The following CELF2 variants were observed in gnomAD, a reference collection of about 807,000 sequenced individuals.
CELF2 encodes the protein CUGBP Elav-like family member 2.
In CELF2, 8 loss-of-function variants were observed where a neutral mutation model predicts 62.6. That is an observed-to-expected ratio of 0.13 (90% confidence interval 0.07 to 0.23). The LOEUF (loss-of-function observed/expected upper bound fraction) is 0.23, where lower values mean the gene tolerates loss of function less well. Ranked by LOEUF, CELF2 falls within the 10% of genes least tolerant of loss-of-function variation. CELF2 has a pLI of 1.00. For missense variants in CELF2, 333 were observed against 671.0 expected (o/e 0.50, Z 5.56); for synonymous variants, 258 against 250.0 (o/e 1.03, Z -0.30).
At position 10,931,072 on chromosome 10, in the gene CELF2, A is replaced by G. The variant is rs1367294448; in HGVS notation, c.89+11073A>G. On this transcript the variant is annotated intron_variant, in intron 2 of 13. Transcript: ENST00000636488. The surrounding 1 kb of genome is among the most constrained non-coding windows in gnomAD (Gnocchi z 6.1). ...ACATAAATTAATAAAATTTATTCCC[A>G]TGTATACATAGATAGTTTTAAACCC... is the stretch of plus-strand genomic sequence containing the variant. Among the ~76,000 whole-genome samples the G allele has an allele frequency of 6.6e-6, 1 of 152,214 alleles. No homozygotes were observed. The highest frequency in any genetic ancestry group is 1.5e-5 in the Non-Finnish European group (1 of 68,034).
chr10:10,826,459 T>G (rs2057396499), intron 1 of CELF2, among the ~76,000 whole-genome samples: 1 of 152,194 alleles, frequency 6.6e-6, no homozygotes, highest in Non-Finnish European at 1.5e-5. Flanking sequence ...CAATAAATAA[T>G]TACTGAGTGT....
chr10:10,529,948 G>A, the CELF2 span, among the ~76,000 whole-genome samples: 1 of 152,162 alleles, frequency 6.6e-6, no homozygotes, highest in Non-Finnish European at 1.5e-5. Flanking sequence ...AATGCCCAAG[G>A]CTTGTAGAAG....
chr10:10,804,496 T>C (rs1183337765), intron 1 of CELF2, among the ~76,000 whole-genome samples: 1 of 152,194 alleles, frequency 6.6e-6, no homozygotes, highest in Admixed American at 6.5e-5. Context: ...ACTAGTCTTG[T>C]TATTAGGAAA....
chr10:10,471,978 T>C, the CELF2 span, among the ~76,000 whole-genome samples: 3 of 151,884 alleles, frequency 2.0e-5, no homozygotes, highest in African/African-American at 7.2e-5. Context: ...ATCAAAGCCT[T>C]CTTCTCCTGT....
chr10:10,691,010 T>C, the CELF2 span, among the ~76,000 whole-genome samples: 1 of 152,094 alleles, frequency 6.6e-6, no homozygotes, highest in Non-Finnish European at 1.5e-5. Context: ...ATGGTGATTT[T>C]TTTTTATTAT....
chr10:10,595,992 G>A, the CELF2 span, among the ~76,000 whole-genome samples: 57 of 152,286 alleles, frequency 3.7e-4, no homozygotes, highest in Middle Eastern at 6.8e-3. Context: ...AGCAGTCATG[G>A]AGCTGTAACA....
intron 3 of CELF2, among the ~76,000 whole-genome samples, chr10:11,232,328 C>T (rs2069050828): frequency 6.6e-6 from 1 of 152,196 alleles, no homozygotes; most frequent in Non-Finnish European, 1.5e-5. Context: ...GCTTCTATCT[C>T]TCAGTGACAC....
chr10:10,856,858 T>A (rs1371984241), intron 1 of CELF2, among the ~76,000 whole-genome samples: 1 of 152,178 alleles, frequency 6.6e-6, no homozygotes, highest in Admixed American at 6.6e-5. Flanking sequence ...ACTTTCATTT[T>A]CATGCTTGAT....
At chr10:10,541,740 T>G in the CELF2 span, among the ~76,000 whole-genome samples, 14 of 152,290 alleles carry the variant, frequency 9.2e-5, no homozygotes, top group Middle Eastern at 3.4e-3. Context: ...CCATCTTGGT[T>G]TTGGTGGGTT....
intron 1 of CELF2, among the ~76,000 whole-genome samples, chr10:10,802,836 C>T (rs1407482432): frequency 6.6e-6 from 1 of 152,204 alleles, no homozygotes; most frequent in Non-Finnish European, 1.5e-5. Flanking sequence ...TCTCCTTCAG[C>T]TTTCAGACAG....
the CELF2 span, among the ~76,000 whole-genome samples, chr10:10,743,234 T>G: frequency 6.6e-6 from 1 of 152,232 alleles, no homozygotes; most frequent in Admixed American, 6.5e-5. Flanking sequence ...CACTATGATT[T>G]AGTATGTGAA....
At chr10:10,729,776 C>CA in the CELF2 span, among the ~76,000 whole-genome samples, 158 of 142,636 alleles carry the variant, frequency 1.1e-3, no homozygotes, top group African/African-American at 2.4e-3. Context: ...GAGATTGTCT[C>CA]AAAAAAAAAA....
chr10:10,661,261 C>T, the CELF2 span, among the ~76,000 whole-genome samples: 1 of 152,166 alleles, frequency 6.6e-6, no homozygotes, highest in Non-Finnish European at 1.5e-5. Context: ...TAAATTGAAT[C>T]ATATAGTGTC....
chr10:10,533,463 T>C, the CELF2 span, among the ~76,000 whole-genome samples: 1 of 152,222 alleles, frequency 6.6e-6, no homozygotes, highest in Non-Finnish European at 1.5e-5. Flanking sequence ...GGGTCATTAA[T>C]TTTTTACAAA....
intron 2 of CELF2, among the ~76,000 whole-genome samples, chr10:10,978,058 G>A (rs1303780848): frequency 2.1e-5 from 3 of 144,368 alleles, no homozygotes; most frequent in African/African-American, 5.2e-5. Flanking sequence ...TTTTTCCAGA[G>A]AAAGATGGTT....
chr10:11,097,147 T>A (rs1174556794), intron 1 of CELF2: 2 of 152,212 alleles, frequency 1.3e-5, no homozygotes, highest in African/African-American at 4.8e-5. Flanking sequence ...TGCAATTTAG[T>A]GATGTATAGT....
chr10:11,267,862 C>T lies in CELF2; in HGVS notation c.618+1185C>T, dbSNP rs1488014507. 6.6e-6 allele frequency among the ~76,000 whole-genome samples: 1 copy of T among 152,114 alleles called. No individual in the cohort carries two copies. The highest frequency in any genetic ancestry group is 2.4e-5 in the African/African-American group (1 of 41,406). ...TTCAGTGTTTACTGTACTTTTCTGA[C>T]TTGTGATACCAGCATTGCAAAGCCT... On this transcript the variant is annotated intron_variant, in intron 6 of 12. Transcript: ENST00000633077. The surrounding 1 kb of genome is among the most constrained non-coding windows in gnomAD (Gnocchi z 4.4).
intron 1 of CELF2, among the ~76,000 whole-genome samples, chr10:10,862,402 G>A (rs2060096144): frequency 6.6e-6 from 1 of 152,148 alleles, no homozygotes; most frequent in Non-Finnish European, 1.5e-5. Context: ...GGTGGTTGAT[G>A]CTGGTTGTCA....
At chr10:10,991,154 T>C (rs2053393092) in intron 2 of CELF2, among the ~76,000 whole-genome samples, 1 of 152,170 alleles carries the variant, frequency 6.6e-6, no homozygotes, top group Non-Finnish European at 1.5e-5. Flanking sequence ...CCAAACAAAA[T>C]ACAGACTCTC....
Sources: gnomAD v4.1 joint callset for allele counts (sites outside exome capture counted in the v4.1 genomes callset) on GRCh38, gnomAD v4.1.1 for gene constraint, Gnocchi (gnomAD v3.1) non-coding constraint, MANE v1.5 for transcripts, NCBI Gene and HGNC (gene_info 2026-07-23, HGNC 2026-07-21) for gene names.